The following FYB1 variants were observed in gnomAD, a reference collection of about 807,000 sequenced individuals.
The protein encoded by FYB1 is FYN binding protein 1.
Under a neutral mutation model 94.1 loss-of-function variants are expected in FYB1, and 41 were observed. The ratio of observed to expected loss-of-function variants is 0.44; its 90% CI spans 0.34 to 0.57. The LOEUF is 0.57. FYB1 is among the 20% of genes least tolerant of loss of function. The pLI, the probability that FYB1 is intolerant of heterozygous loss-of-function variation, is 0.02. For missense variants in FYB1, 1,050 were observed against 976.8 expected (o/e 1.07, Z -1.00); for synonymous variants, 367 against 353.2 (o/e 1.04, Z -0.44).
In FYB1 at chr5:39,230,216, C is replaced by A. The variant is rs73089277; in HGVS notation, c.-27-27229G>T. On this transcript the variant is annotated intron_variant, in intron 1 of 1. Coordinates refer to the FYB1 transcript ENST00000510188. ...TACTCTGGATTATTTTGGGAAGACCCAAGTAACCAGAAGGATCGTTATACA... is the reference window on the plus strand; with the variant it reads ...TACTCTGGATTATTTTGGGAAGACCAAAGTAACCAGAAGGATCGTTATACA... 1.4e-4 allele frequency among the ~76,000 whole-genome samples: 22 copies of A among 152,238 alleles called. No individual in the cohort carries two copies. In the South Asian group the frequency reaches 4.6e-3, roughly 32 times the overall value.
intron 14 of FYB1, among the ~76,000 whole-genome samples, chr5:39,120,019 G>C (rs945798162): frequency 6.6e-6 from 1 of 151,956 alleles, no homozygotes; most frequent in African/African-American, 2.4e-5. Context: ...CATAAGAAAG[G>C]CTTTTTAAAA....
chr5:39,253,660 G>A (rs1036045228), intron 1 of FYB1, among the ~76,000 whole-genome samples: 1 of 151,486 alleles, frequency 6.6e-6, no homozygotes, highest in African/African-American at 2.5e-5. Context: ...GTATAGGATT[G>A]TTACATAGGT....
intron 1 of FYB1, among the ~76,000 whole-genome samples, chr5:39,227,766 C>T (rs945602079): frequency 6.6e-6 from 1 of 152,140 alleles, no homozygotes; most frequent in Admixed American, 6.6e-5. Flanking sequence ...CTTTGGTTTG[C>T]AATCCATGGA....
rs56887056 is a variant in FYB1, at chr5:39,124,915, C to CCACACACACACACA, written c.2046-651_2046-638dup. ...CTGAAATATGACTTCTAAATACACTCCACACACACACACACACACACACAC... is the reference window on the plus strand; with the variant it reads ...CTGAAATATGACTTCTAAATACACTCCACACACACACACACACACACACACACACACACACACAC... On this transcript the variant is annotated intron_variant, in intron 12 of 18. Coordinates refer to ENST00000512982, the MANE Select transcript of FYB1 (RefSeq NM_001465.6). 6.2e-3 allele frequency among the ~76,000 whole-genome samples: 861 copies of CCACACACACACACA among 139,516 alleles called. 7 individuals carry two copies. Among genetic ancestry groups the CCACACACACACACA allele is most frequent in the Middle Eastern group, 0.025 (7 of 280 alleles). 91.5% of individuals were successfully genotyped at this position (139,516 alleles called of 152,430 possible).
At chr5:39,172,424 C>T (rs946067377) in intron 2 of FYB1, among the ~76,000 whole-genome samples, 11 of 150,418 alleles carry the variant, frequency 7.3e-5, no homozygotes, top group Middle Eastern at 3.4e-3. Context: ...CTAGGATGGG[C>T]GACAGAGCAA....
chr5:39,177,759 A>G (rs1323011263), intron 2 of FYB1, among the ~76,000 whole-genome samples: 2 of 152,194 alleles, frequency 1.3e-5, no homozygotes, highest in African/African-American at 4.8e-5. Context: ...TTGCATGTGT[A>G]CGTGTGTATG....
At chr5:39,163,877 T>G (rs1744484356) in intron 2 of FYB1, among the ~76,000 whole-genome samples, 1 of 152,226 alleles carries the variant, frequency 6.6e-6, no homozygotes, top group Admixed American at 6.5e-5. Flanking sequence ...GAAAAGTTAT[T>G]TTAAAAGTGT....
intron 1 of FYB1, among the ~76,000 whole-genome samples, chr5:39,227,924 C>A (rs1750553565): frequency 6.6e-6 from 1 of 152,114 alleles, no homozygotes; most frequent in African/African-American, 2.4e-5. Context: ...ATGTTTTTCA[C>A]TGGGGAAGAC....
intron 1 of FYB1, among the ~76,000 whole-genome samples, chr5:39,233,852 A>G (rs1348237213): frequency 1.3e-5 from 2 of 152,256 alleles, no homozygotes; most frequent in East Asian, 3.9e-4. Context: ...AGAAAATTCC[A>G]CTGAGAACTC....
chr5:39,114,836 A>T (rs895311884), intron 16 of FYB1, among the ~76,000 whole-genome samples: 1 of 152,186 alleles, frequency 6.6e-6, no homozygotes, highest in Non-Finnish European at 1.5e-5. Flanking sequence ...TAACGTGCTG[A>T]CATTACGATG....
intron 7 of FYB1, 122 bp from the exon 8 acceptor site, chr5:39,135,136 G>A: frequency 9.4e-7 from 1 of 1,060,494 alleles, no homozygotes; most frequent in Middle Eastern, 2.5e-4. Context: ...ACATTTACAG[G>A]GTTTAACCAG....
chr5:39,131,161 T>C (rs1366648140), intron 9 of FYB1, among the ~76,000 whole-genome samples: 2 of 152,202 alleles, frequency 1.3e-5, no homozygotes, highest in Non-Finnish European at 2.9e-5. Context: ...AGATTGCCTG[T>C]GTTTCTTACT....
At chr5:39,131,268 A>T (rs1372318868) in intron 9 of FYB1, among the ~76,000 whole-genome samples, 4 of 152,088 alleles carry the variant, frequency 2.6e-5, no homozygotes, top group Non-Finnish European at 4.4e-5. Context: ...GATTTCTGTG[A>T]GATCAAAGGA....
chr5:39,230,240 C>A (rs777250520), intron 1 of FYB1, among the ~76,000 whole-genome samples: 1 of 152,132 alleles, frequency 6.6e-6, no homozygotes, highest in African/African-American at 2.4e-5. Context: ...GATCGTTATA[C>A]ATGGAAGCAG....
At chr5:39,243,355 A>T (rs550602815) in intron 1 of FYB1, among the ~76,000 whole-genome samples, 1 of 151,758 alleles carries the variant, frequency 6.6e-6, no homozygotes, top group South Asian at 2.1e-4. Context: ...AGCTTTCTAC[A>T]TATGGCTAGC....
At chr5:39,143,375 C>A (rs769776010) in intron 3 of FYB1, among the ~76,000 whole-genome samples, 1 of 150,530 alleles carries the variant, frequency 6.6e-6, no homozygotes, top group African/African-American at 2.5e-5. Context: ...CAAATTACAC[C>A]AGTTCCCCAT....
At chr5:39,241,444 C>T (rs1751202449) in intron 1 of FYB1, among the ~76,000 whole-genome samples, 1 of 152,160 alleles carries the variant, frequency 6.6e-6, no homozygotes, top group African/African-American at 2.4e-5. Flanking sequence ...TGAGACTGTA[C>T]ATATTCACAT....
intron 1 of FYB1, among the ~76,000 whole-genome samples, chr5:39,254,568 G>C (rs138269760): frequency 6.6e-6 from 1 of 152,162 alleles, no homozygotes; most frequent in Admixed American, 6.6e-5. Flanking sequence ...TTTCTATCTA[G>C]AAGGAGGATT....
At chr5:39,252,519 T>A (rs1305393156) in intron 1 of FYB1, among the ~76,000 whole-genome samples, 1 of 152,176 alleles carries the variant, frequency 6.6e-6, no homozygotes, top group Non-Finnish European at 1.5e-5. Flanking sequence ...TTGGTATAAA[T>A]TCTTCCCAAT....
Sources: allele counts gnomAD v4.1 joint callset (sites outside exome capture counted in the v4.1 genomes callset), GRCh38; gene constraint gnomAD v4.1.1; transcripts MANE v1.5; gene names NCBI Gene and HGNC (gene_info 2026-07-23, HGNC 2026-07-21).